The following KDM4B variants were observed in gnomAD, a reference collection of about 807,000 sequenced individuals.
KDM4B encodes the protein lysine-specific demethylase 4B.
In KDM4B, 32 loss-of-function variants were observed where a neutral mutation model predicts 125.2. The ratio of observed to expected loss-of-function variants is 0.26; its 90% CI spans 0.19 to 0.34. KDM4B has a LOEUF of 0.34. Among genes scored for constraint, KDM4B ranks in the 10% least tolerant of loss-of-function variants. The pLI is 1.00. For synonymous variants in KDM4B, 721 were observed against 677.9 expected (o/e 1.06, Z -0.99); for missense variants, 1,190 against 1,577.7 (o/e 0.75, Z 4.16).
At chr19:5,132,980 G>A (rs913942089) in intron 13 of KDM4B, among the ~76,000 whole-genome samples, 5 of 152,152 alleles carry the variant, frequency 3.3e-5, no homozygotes, top group African/African-American at 9.7e-5. Context: ...CCTCCACCTC[G>A]GGGAGCCTGC....
At chr19:5,033,889 G>A (rs1453533958) in intron 3 of KDM4B, among the ~76,000 whole-genome samples, 1 of 152,208 alleles carries the variant, frequency 6.6e-6, no homozygotes, top group African/African-American at 2.4e-5. Flanking sequence ...CCAGCATTTT[G>A]GGAGGCTGAG....
In KDM4B at chr19:5,082,077, C is replaced by T. The variant is rs566264595; in HGVS notation, c.781-290C>T. 1.3e-5 allele frequency among the ~76,000 whole-genome samples: 2 copies of T among 152,330 alleles called. 1 individual carries two copies. The highest frequency in any genetic ancestry group is 4.1e-4 in the South Asian group (2 of 4,828). On this transcript the variant is annotated intron_variant, in intron 8 of 22. Transcript: ENST00000159111. This position sits in a 1 kb window ranked among gnomAD's most constrained non-coding sequence, Gnocchi z 5.4. ...CTGCGGTTCTCCCACTGGGGTGATG[C>T]TGACGGCCGCCTTGGGGCAGGGCAG...
intron 2 of KDM4B, among the ~76,000 whole-genome samples, chr19:5,023,007 A>G (rs530963462): frequency 2.6e-4 from 40 of 152,130 alleles, no homozygotes; most frequent in African/African-American, 2.4e-5. Context: ...ACCCATGAAT[A>G]TATTACCTTA....
intron 1 of KDM4B, among the ~76,000 whole-genome samples, chr19:4,983,937 C>T (rs977050652): frequency 1.3e-5 from 2 of 152,116 alleles, no homozygotes; most frequent in Non-Finnish European, 2.9e-5. Flanking sequence ...CTGCAGGTCC[C>T]GCTTCAAGGC....
intron 2 of KDM4B, among the ~76,000 whole-genome samples, chr19:5,022,496 C>G (rs1381400097): frequency 1.3e-5 from 2 of 152,168 alleles, no homozygotes; most frequent in Non-Finnish European, 2.9e-5. Context: ...AACCTCATGA[C>G]CTGGAAATCC....
chr19:5,146,763 C>A (rs1034010351), intron 21 of KDM4B, among the ~76,000 whole-genome samples: 2 of 135,932 alleles, frequency 1.5e-5, no homozygotes, highest in Admixed American at 7.3e-5. Flanking sequence ...CCCCCCCCCC[C>A]CCACAATCTC....
intron 22 of KDM4B, among the ~76,000 whole-genome samples, chr19:5,151,111 A>G (rs2039939280): frequency 6.6e-6 from 1 of 152,210 alleles, no homozygotes; most frequent in Non-Finnish European, 1.5e-5. Context: ...AGCCCCAGCC[A>G]GGGTGCCCAC....
intron 1 of KDM4B, among the ~76,000 whole-genome samples, chr19:5,005,393 G>A (rs1029166740): frequency 6.6e-6 from 1 of 152,180 alleles, no homozygotes; most frequent in Non-Finnish European, 1.5e-5. Flanking sequence ...GTGACCTGTC[G>A]TGTCATTGGA....
chr19:5,003,322 C>G (rs117880413), intron 1 of KDM4B, among the ~76,000 whole-genome samples: 1,694 of 152,116 alleles, frequency 0.011, 13 homozygotes, highest in Non-Finnish European at 0.019. Context: ...AACCCCATCT[C>G]TAATAAAAAT....
At chr19:5,123,752 C>T (rs565987413) in intron 11 of KDM4B, among the ~76,000 whole-genome samples, 10 of 152,314 alleles carry the variant, frequency 6.6e-5, no homozygotes, top group Non-Finnish European at 2.9e-5. Context: ...GAGCATGGGT[C>T]GTGCTGGTAG....
chr19:5,059,388 AGCCTCCC>A (rs1210481933), intron 6 of KDM4B, among the ~76,000 whole-genome samples: 16 of 152,220 alleles, frequency 1.1e-4, no homozygotes, highest in African/African-American at 3.4e-4. Flanking sequence ...CTCATTCAGC[AGCCTCCC>A]GCCGAGGGCT....
chr19:4,996,890 C>A (rs2035218805), intron 1 of KDM4B, among the ~76,000 whole-genome samples: 1 of 152,176 alleles, frequency 6.6e-6, no homozygotes, highest in African/African-American at 2.4e-5. Context: ...CTGTCCTGGG[C>A]CCTGCAGGGT....
At chr19:5,123,985 C>T (rs1372135690) in intron 11 of KDM4B, among the ~76,000 whole-genome samples, 5 of 127,640 alleles carry the variant, frequency 3.9e-5, no homozygotes, top group Admixed American at 2.5e-4. Flanking sequence ...ACAGGATGGG[C>T]TGGCAGGGGT....
At chr19:5,008,424 G>A (rs192760225) in intron 1 of KDM4B, among the ~76,000 whole-genome samples, 20 of 152,146 alleles carry the variant, frequency 1.3e-4, no homozygotes, top group African/African-American at 4.6e-4. Flanking sequence ...GTTCATAACC[G>A]TGAATTATTT....
intron 15 of KDM4B, 43 bp downstream of exon 15, chr19:5,135,604 AG>A: frequency 1.3e-6 from 2 of 1,501,548 alleles, no homozygotes; most frequent in South Asian, 1.2e-5. Flanking sequence ...GCCCTCCTTC[AG>A]GGTGTTGGTG....
chr19:5,085,916 G>A (rs1345117040), intron 9 of KDM4B, among the ~76,000 whole-genome samples: 2 of 152,218 alleles, frequency 1.3e-5, no homozygotes, highest in Non-Finnish European at 2.9e-5. Flanking sequence ...ACAGAGGAGT[G>A]TTAGAAGGCA....
chr19:5,105,333 A>C (rs2039014558), intron 9 of KDM4B, among the ~76,000 whole-genome samples: 1 of 152,254 alleles, frequency 6.6e-6, no homozygotes, highest in Non-Finnish European at 1.5e-5. Context: ...GATTGCTCCC[A>C]GAGTGTGCTG....
chr19:5,063,903 G>A (rs748785062), intron 6 of KDM4B, among the ~76,000 whole-genome samples: 5 of 152,188 alleles, frequency 3.3e-5, no homozygotes, highest in Non-Finnish European at 7.4e-5. Flanking sequence ...GGCCCGGCTC[G>A]TCTTTAGCTG....
chr19:5,041,078 G>A lies in KDM4B; in HGVS notation c.318-59G>A, dbSNP rs892002934. ...TGCCCTGGGTTCCAGGTGGCTGAGG[G>A]TGGGCTGCGTAGCACCCAGGCCTCA... On this transcript the variant is annotated intron_variant, in intron 4 of 22. Transcript: ENST00000159111. The A allele has an allele frequency of 7.3e-5, 84 of 1,158,162 alleles. 1 individual carries two copies. In the African/African-American group the frequency reaches 1.2e-3, roughly 16 times the overall value. The allele number at this position is 1,158,162 out of a possible 1,614,324, so 71.7% of individuals were successfully genotyped here.
Sources: gnomAD v4.1 joint callset for allele counts (sites outside exome capture counted in the v4.1 genomes callset) on GRCh38, gnomAD v4.1.1 for gene constraint, Gnocchi (gnomAD v3.1) non-coding constraint, MANE v1.5 for transcripts, NCBI Gene and HGNC (gene_info 2026-07-23, HGNC 2026-07-21) for gene names.